Variants in RPS6KA3 observed in about 807,000 individuals in gnomAD.
The protein encoded by RPS6KA3 is ribosomal protein S6 kinase alpha-3.
In RPS6KA3, 4 loss-of-function variants were observed where a neutral mutation model predicts 67.2. That is an observed-to-expected ratio of 0.06 (90% CI 0.03 to 0.14). The LOEUF (loss-of-function observed/expected upper bound fraction) is 0.14. RPS6KA3 is among the 10% of genes least tolerant of loss of function. RPS6KA3 has a pLI of 1.00. For synonymous variants in RPS6KA3, 182 were observed against 183.7 expected (o/e 0.99, Z 0.07); for missense variants, 204 against 559.0 (o/e 0.36, Z 6.40).
At chrX:20,184,655 G>A (rs1298211394) in intron 10 of RPS6KA3, among the ~76,000 whole-genome samples, 3 of 109,978 alleles carry the variant, frequency 2.7e-5, no homozygotes, top group African/African-American at 9.9e-5. Context: ...CAAGCAATCT[G>A]CCCACTTCGG....
chrX:20,258,843 T>C (rs1410865076), intron 1 of RPS6KA3, among the ~76,000 whole-genome samples: 2 of 112,037 alleles, frequency 1.8e-5, no homozygotes, highest in African/African-American at 6.5e-5. Flanking sequence ...CACTACTTTA[T>C]GAGAACAACA....
Position 20,192,421 on chromosome X carries a change from A to G in RPS6KA3, c.593+1066T>C, listed in dbSNP as rs753086876. Among the ~76,000 whole-genome samples, 98 of 108,831 alleles carry G rather than the reference A, an allele frequency of 9.0e-4. 1 individual carries two copies. The highest frequency in any genetic ancestry group is 3.0e-3 in the African/African-American group (91 of 30,125). The allele number at this position is 108,831 out of a possible 115,157, so 94.5% of individuals were successfully genotyped here. A position where few individuals can be genotyped will look rare whatever the true frequency, so the allele number is the denominator to read the frequency against. On this transcript the variant is annotated intron_variant, in intron 7 of 21. Transcript: ENST00000379565. ...ATGGAGCTAAAAGAAAAAAAAAAAG[A>G]AACTATAAAATTAGAAGGAAAATAT...
intron 10 of RPS6KA3, among the ~76,000 whole-genome samples, chrX:20,185,902 C>T (rs751637948): frequency 5.4e-5 from 6 of 112,060 alleles, no homozygotes; most frequent in Admixed American, 3.8e-4. Flanking sequence ...ATACTACAGC[C>T]AACACTCTAA....
intron 4 of RPS6KA3, among the ~76,000 whole-genome samples, chrX:20,199,261 A>G (rs1197844485): frequency 8.9e-6 from 1 of 112,282 alleles, no homozygotes; most frequent in South Asian, 3.7e-4. Context: ...AGAGAAGAAG[A>G]AGGAGAACAC....
intron 13 of RPS6KA3, among the ~76,000 whole-genome samples, chrX:20,175,494 C>T (rs2067676659): frequency 9.0e-6 from 1 of 111,576 alleles, no homozygotes; most frequent in Non-Finnish European, 1.9e-5. Flanking sequence ...CATCCTAGTC[C>T]CTCGGAGCCT....
intron 14 of RPS6KA3, among the ~76,000 whole-genome samples, chrX:20,174,289 A>C (rs1330093214): frequency 4.5e-5 from 5 of 111,116 alleles, no homozygotes; most frequent in Non-Finnish European, 9.4e-5. Context: ...TTTGAGGCAC[A>C]GGAGAGGATA....
intron 2 of RPS6KA3, chrX:20,218,726 T>C (rs1370962665): frequency 4.3e-6 from 3 of 704,436 alleles, no homozygotes; most frequent in Non-Finnish European, 4.4e-6. Flanking sequence ...TAAAACGAAA[T>C]AACTAATTAC....
In RPS6KA3 at chrX:20,167,752, A is replaced by G. The variant is rs781136878; in HGVS notation, c.1444-5T>C. 1.1e-5 allele frequency: 12 copies of G among 1,046,934 alleles called. No homozygotes were observed. In the Middle Eastern group the frequency reaches 9.9e-4, roughly 87 times the overall value. The allele number at this position is 1,046,934 out of a possible 1,213,427, so 86.3% of individuals were successfully genotyped here. A position where few individuals can be genotyped will look rare whatever the true frequency, so the allele number is the denominator to read the frequency against. ...ATACTTTCCATCATCATATACCTAT[A>G]AATTTCAACATCAAAATGTAAATAT... On this transcript the variant is annotated splice_region_variant and splice_polypyrimidine_tract_variant and intron_variant, in intron 16 of 21. Transcript: ENST00000379565.
intron 7 of RPS6KA3, among the ~76,000 whole-genome samples, chrX:20,190,602 G>A (rs2068096078): frequency 9.0e-6 from 1 of 111,268 alleles, no homozygotes; most frequent in Non-Finnish European, 1.9e-5. Flanking sequence ...TATGTTTATA[G>A]TAATTTTTCT....
intron 14 of RPS6KA3, among the ~76,000 whole-genome samples, chrX:20,174,622 C>G (rs746262087): frequency 2.4e-4 from 26 of 110,515 alleles, no homozygotes; most frequent in Non-Finnish European, 4.5e-4. Context: ...GCTGGGATTA[C>G]AAGCATGAGC....
rs185051509 is a variant in RPS6KA3 at position 20,251,892 on chromosome X, G to A, written c.69+14672C>T. On this transcript the variant is annotated intron_variant, in intron 1 of 21. Transcript: ENST00000379565. ...GATTATGTCTTTTGCAAAATTTGGG[G>A]AAATTTCAGCCATTATTTCTTCAGG... is the stretch of plus-strand genomic sequence containing the variant. Among the ~76,000 whole-genome samples, 542 of 111,965 alleles carry A rather than the reference G, an allele frequency of 4.8e-3. 5 individuals are homozygous for A. The highest frequency in any genetic ancestry group is 0.017 in the African/African-American group (519 of 30,835).
rs2068923040 is a variant in RPS6KA3, at chrX:20,218,897, G to C, written c.127-9493C>G. ...CTGACGGTAAAACTTAAGTTAGAAA[G>C]GGAAGGCCAAGCCCCTGCAAAGTTT... On this transcript the variant is annotated intron_variant, in intron 2 of 21. Transcript: ENST00000379565. 4.8e-6 allele frequency: 5 copies of C among 1,036,363 alleles called. No individual in the cohort carries two copies. The Admixed American group carries it at 1.1e-4, about 24-fold the overall frequency. The allele number at this position is 1,036,363 out of a possible 1,213,427, so 85.4% of individuals were successfully genotyped here.
intron 2 of RPS6KA3, among the ~76,000 whole-genome samples, chrX:20,230,729 C>T (rs759567924): frequency 7.2e-5 from 8 of 111,308 alleles, no homozygotes; most frequent in Admixed American, 9.6e-5. Flanking sequence ...TGATCTTATT[C>T]TTCCACAACT....
intron 14 of RPS6KA3, among the ~76,000 whole-genome samples, chrX:20,173,659 T>A (rs1175408736): frequency 2.7e-5 from 3 of 112,686 alleles, no homozygotes; most frequent in African/African-American, 9.7e-5. Context: ...GTGGTTTCTA[T>A]GTTAGGTACA....
rs188230816 is a variant in RPS6KA3, at chrX:20,209,475, A to T, written c.127-71T>A. The T allele has an allele frequency of 1.8e-5, 10 of 566,049 alleles. No homozygotes were observed. In the African/African-American group the frequency reaches 2.0e-4, roughly 11 times the overall value. 46.6% of individuals were successfully genotyped at this position (566,049 alleles called of 1,213,427 possible). A position where few individuals can be genotyped will look rare whatever the true frequency, so the allele number is the denominator to read the frequency against. ...ATTTTCTCCCGCTAAAAATCAAACAATATTAATTTAATCTTACTAGAAATT... is the reference window on the plus strand; with the variant it reads ...ATTTTCTCCCGCTAAAAATCAAACATTATTAATTTAATCTTACTAGAAATT... On this transcript the variant is annotated intron_variant, in intron 2 of 21. Coordinates refer to ENST00000379565, the MANE Select transcript of RPS6KA3 (RefSeq NM_004586.3).
chrX:20,151,806 T>C lies in RPS6KA3; in HGVS notation c.*3592A>G, dbSNP rs1165428858. 3.6e-5 allele frequency: 4 copies of C among 112,154 alleles called. No individual in the cohort carries two copies. In the South Asian group the frequency reaches 1.1e-3, roughly 31 times the overall value. 9.2% of individuals were successfully genotyped at this position (112,154 alleles called of 1,213,427 possible). A position where few individuals can be genotyped will look rare whatever the true frequency, so the allele number is the denominator to read the frequency against. ...CCTCCATGGTGATTAAGCGCATCCA[T>C]AGCAAGGCCTGCAAATCTTGAATGC... On this transcript the variant is annotated 3_prime_UTR_variant, in exon 22 of 22. Coordinates refer to ENST00000379565, the MANE Select transcript of RPS6KA3 (RefSeq NM_004586.3).
At chrX:20,223,633 T>C (rs2069038884) in intron 2 of RPS6KA3, among the ~76,000 whole-genome samples, 2 of 112,337 alleles carry the variant, frequency 1.8e-5, no homozygotes, top group Admixed American at 9.4e-5. Context: ...ATAACCTTCA[T>C]GTGCTCATCA....
At chrX:20,207,800 A>G (rs1302963756) in intron 3 of RPS6KA3, among the ~76,000 whole-genome samples, 2 of 112,274 alleles carry the variant, frequency 1.8e-5, no homozygotes, top group African/African-American at 3.2e-5. Flanking sequence ...TTTGGGTTCA[A>G]AAGAGGTTAA....
At chrX:20,212,335 T>C (rs1391916218) in intron 2 of RPS6KA3, among the ~76,000 whole-genome samples, 1 of 110,529 alleles carries the variant, frequency 9.0e-6, no homozygotes, top group Non-Finnish European at 1.9e-5. Flanking sequence ...CTGTCTCTAG[T>C]AAAAATACAA....
Sources: allele counts gnomAD v4.1 joint callset (sites outside exome capture counted in the v4.1 genomes callset), GRCh38; gene constraint gnomAD v4.1.1; transcripts MANE v1.5; gene names NCBI Gene and HGNC (gene_info 2026-07-23, HGNC 2026-07-21).